Variants in RPRD2 observed in about 807,000 individuals in gnomAD.
RPRD2 encodes regulation of nuclear pre-mRNA domain containing 2, also known as regulation of nuclear pre-mRNA domain-containing protein 2.
In RPRD2, 12 loss-of-function variants were observed where a neutral mutation model predicts 104.4. The observed-to-expected ratio is 0.11, with a 90% CI of 0.07 to 0.19. The LOEUF (loss-of-function observed/expected upper bound fraction) is 0.19, where lower values mean the gene tolerates loss of function less well. Ranked by LOEUF, RPRD2 falls within the 10% of genes least tolerant of loss-of-function variation. The pLI is 1.00. For synonymous variants in RPRD2, 714 were observed against 684.9 expected (o/e 1.04, Z -0.66); for missense variants, 1,543 against 1,790.1 (o/e 0.86, Z 2.49).
chr1:150,469,565 C>T (rs1312028004), intron 10 of RPRD2, among the ~76,000 whole-genome samples: 1 of 152,168 alleles, frequency 6.6e-6, no homozygotes, highest in African/African-American at 2.4e-5. Context: ...GCATGAGCCA[C>T]CGTGCCCAGC....
intron 1 of RPRD2, among the ~76,000 whole-genome samples, chr1:150,397,210 A>G (rs1662595723): frequency 6.6e-6 from 1 of 152,116 alleles, no homozygotes; most frequent in Admixed American, 6.6e-5. Flanking sequence ...CTGACCTCAC[A>G]TGATCCACCT....
chr1:150,387,566 CCTTTTTTTTTTTTT>C (rs1661666187), intron 1 of RPRD2, among the ~76,000 whole-genome samples: 1 of 70,114 alleles, frequency 1.4e-5, no homozygotes, highest in Non-Finnish European at 2.9e-5. Context: ...TTGCAACAGA[CCTTTTTTTTTTTTT>C]TTTTTTTTTT....
chr1:150,374,711 G>T (rs1660571658), intron 1 of RPRD2, among the ~76,000 whole-genome samples: 1 of 152,196 alleles, frequency 6.6e-6, no homozygotes, highest in Non-Finnish European at 1.5e-5. Flanking sequence ...TGTTGAATGA[G>T]AATGTAGGAA....
intron 7 of RPRD2, among the ~76,000 whole-genome samples, chr1:150,450,498 C>G (rs906680899): frequency 6.7e-6 from 1 of 149,512 alleles, no homozygotes; most frequent in Non-Finnish European, 1.5e-5. Flanking sequence ...TCCCACTACT[C>G]CGCAGGCTGA....
At chr1:150,437,705 A>G (rs1471122980) in intron 2 of RPRD2, among the ~76,000 whole-genome samples, 1 of 151,978 alleles carries the variant, frequency 6.6e-6, no homozygotes, top group Non-Finnish European at 1.5e-5. Context: ...TCAGCCCTCC[A>G]AGTGGCTGGG....
At position 150,387,567 on chromosome 1, in the gene RPRD2, C is replaced by CTTTTTTTTTT. The variant is rs562476167; in HGVS notation, c.205+22680_205+22689dup. On this transcript the variant is annotated intron_variant, in intron 1 of 10. Coordinates refer to ENST00000369068, the MANE Select transcript of RPRD2 (RefSeq NM_015203.5). The stretch of plus-strand genomic sequence containing the variant: ...AAATCTTACAGAAGTTGCAACAGAC[C>CTTTTTTTTTT]TTTTTTTTTTTTTTTTTTTTTTTTT... Among the ~76,000 whole-genome samples the CTTTTTTTTTT allele has an allele frequency of 1.3e-3, 93 of 73,750 alleles. 9 individuals are homozygous for CTTTTTTTTTT. The highest frequency in any genetic ancestry group is 2.0e-3 in the East Asian group (4 of 1,960). 48.4% of individuals were successfully genotyped at this position (73,750 alleles called of 152,430 possible).
intron 1 of RPRD2, among the ~76,000 whole-genome samples, chr1:150,374,315 G>A (rs1660544429): frequency 6.6e-6 from 1 of 152,186 alleles, no homozygotes; most frequent in South Asian, 2.1e-4. Context: ...TAGAAGCTCT[G>A]CACTCTTAGC....
intron 1 of RPRD2, among the ~76,000 whole-genome samples, chr1:150,390,448 G>T (rs1189515134): frequency 1.3e-5 from 2 of 152,132 alleles, no homozygotes; most frequent in African/African-American, 4.8e-5. Context: ...GCAGTGAGCC[G>T]AGATCACGCC....
At chr1:150,465,773 A>G (rs1553899779) in intron 10 of RPRD2, among the ~76,000 whole-genome samples, 1 of 152,148 alleles carries the variant, frequency 6.6e-6, no homozygotes, top group African/African-American at 2.4e-5. Flanking sequence ...TTATCAAAAA[A>G]TATGGCCAGG....
At chr1:150,390,587 TAGAC>T (rs1395153745) in intron 1 of RPRD2, among the ~76,000 whole-genome samples, 1 of 152,112 alleles carries the variant, frequency 6.6e-6, no homozygotes, top group African/African-American at 2.4e-5. Flanking sequence ...GAACAACTCT[TAGAC>T]AGTTATGCAA....
chr1:150,371,492 T>C (rs1336128299), intron 1 of RPRD2, among the ~76,000 whole-genome samples: 3 of 147,396 alleles, frequency 2.0e-5, no homozygotes, highest in African/African-American at 5.4e-5. Flanking sequence ...GCCTCCTGAG[T>C]AGCTGGTAGC....
intron 1 of RPRD2, among the ~76,000 whole-genome samples, chr1:150,408,204 G>A (rs1182657427): frequency 8.6e-6 from 1 of 116,552 alleles, no homozygotes; most frequent in Non-Finnish European, 1.6e-5. Flanking sequence ...TCACTCTGTC[G>A]TCCAGGCTGG....
At position 150,364,846 on chromosome 1, in the gene RPRD2, G is replaced by T; in HGVS notation, c.132G>T (p.Leu44Phe). ...ACACCATGGAGTCCATTCAAGGCTTGTCGTCTTGGTGTATAGAGAACAAAA... is the reference window on the plus strand; with the variant it reads ...ACACCATGGAGTCCATTCAAGGCTTTTCGTCTTGGTGTATAGAGAACAAAA... ...VTNTMESIQG[L>F]SSWCIENKKH... The change falls in exon 1 of 11, where the codon TTG becomes TTT. Residue 44 changes from leucine to phenylalanine, a missense_variant. By Grantham distance (22) the Leu-to-Phe change is conservative. Around this residue, in one of 4 missense-constraint regions of RPRD2, gnomAD observed 88 missense variants for 96.6 expected, o/e 0.91. Coordinates refer to ENST00000369068, the MANE Select transcript of RPRD2 (RefSeq NM_015203.5). The T allele has an allele frequency of 1.2e-6, 2 of 1,613,938 alleles. No homozygotes were observed. Among genetic ancestry groups the T allele is most frequent in the Non-Finnish European group, 1.7e-6 (2 of 1,179,812 alleles).
chr1:150,460,817 C>G (rs1454245730), intron 9 of RPRD2, among the ~76,000 whole-genome samples: 3 of 151,394 alleles, frequency 2.0e-5, no homozygotes, highest in African/African-American at 4.9e-5. Context: ...CAGCCTCCAT[C>G]TCCCAGGTTC....
chr1:150,368,305 T>A (rs1403597352), intron 1 of RPRD2, among the ~76,000 whole-genome samples: 5 of 150,980 alleles, frequency 3.3e-5, no homozygotes, highest in African/African-American at 1.2e-4. Context: ...TTAATTTAAT[T>A]TTTTTGAGAT....
intron 1 of RPRD2, among the ~76,000 whole-genome samples, chr1:150,378,513 C>T (rs1273573093): frequency 1.3e-5 from 2 of 151,994 alleles, no homozygotes; most frequent in African/African-American, 2.4e-5. Flanking sequence ...GTGGTATATA[C>T]AGGATAAAAG....
At chr1:150,380,585 T>C (rs1365709042) in intron 1 of RPRD2, among the ~76,000 whole-genome samples, 2 of 152,114 alleles carry the variant, frequency 1.3e-5, no homozygotes, top group Non-Finnish European at 2.9e-5. Context: ...TGACCTCAGG[T>C]GATCCACCTG....
At chr1:150,420,055 A>G (rs970485814) in intron 2 of RPRD2, among the ~76,000 whole-genome samples, 4 of 152,210 alleles carry the variant, frequency 2.6e-5, no homozygotes, top group Non-Finnish European at 4.4e-5. Context: ...TCCAAAGCCC[A>G]TGTTGTTTGC....
chr1:150,423,398 G>A (rs1408274559), intron 2 of RPRD2, among the ~76,000 whole-genome samples: 1 of 152,080 alleles, frequency 6.6e-6, no homozygotes, highest in East Asian at 1.9e-4. Context: ...TGTGGGTAGT[G>A]CTTTCCAAAA....
Sources: gnomAD v4.1 joint callset for allele counts (sites outside exome capture counted in the v4.1 genomes callset) on GRCh38, gnomAD v4.1.1 for gene constraint, gnomAD v4.1.1 regional missense constraint, MANE v1.5 for transcripts, NCBI Gene and HGNC (gene_info 2026-07-23, HGNC 2026-07-21) for gene names.